GALNT9: variants seen among roughly 807,000 people sequenced by gnomAD.
GALNT9 encodes the protein polypeptide N-acetylgalactosaminyltransferase 9.
GALNT9 carries 47 observed loss-of-function variants against 63.1 expected under a neutral mutation model. That is an observed-to-expected ratio of 0.75 (90% CI 0.59 to 0.95). The LOEUF (loss-of-function observed/expected upper bound fraction) is 0.95. GALNT9 is among the 40% of genes least tolerant of loss of function. GALNT9 has a pLI of 0.00. For missense variants in GALNT9, 829 were observed against 874.8 expected, an observed-to-expected ratio of 0.95 and a Z score of 0.66; for synonymous variants, 396 against 365.7, an observed-to-expected ratio of 1.08 and a Z score of -0.94.
chr12:132,240,583 G>C lies in GALNT9; in HGVS notation c.1077+7327C>G, dbSNP rs2136898731. ...TGTGGGCTCCGTGCGTGGCCCCGGG[G>C]CTCGGCTGTGGGCTCCGTGCGTGGC... On this transcript the variant is annotated intron_variant, in intron 6 of 10. Transcript: ENST00000328957. The C allele has an allele frequency of 7.0e-5, 32 of 454,396 alleles. 2 individuals are homozygous for C. The Middle Eastern group carries it at 1.0e-3, about 15-fold the overall frequency. 28.1% of individuals were successfully genotyped at this position (454,396 alleles called of 1,614,324 possible).
intron 6 of GALNT9, among the ~76,000 whole-genome samples, chr12:132,223,155 CCA>C (rs1565992102): frequency 0.015 from 313 of 21,234 alleles, 16 homozygotes; most frequent in Non-Finnish European, 0.036. Flanking sequence ...ACCACACAAC[CCA>C]CACACCACAC....
At chr12:132,266,717 T>C (rs1240362134) in intron 2 of GALNT9, among the ~76,000 whole-genome samples, 1 of 152,202 alleles carries the variant, frequency 6.6e-6, no homozygotes, top group African/African-American at 2.4e-5. Context: ...TGTGGCTCCT[T>C]GTTACAGTGT....
At chr12:132,271,107 TC>T (rs1555240682) in intron 2 of GALNT9, among the ~76,000 whole-genome samples, 1 of 152,070 alleles carries the variant, frequency 6.6e-6, no homozygotes, top group East Asian at 1.9e-4. Flanking sequence ...TCTGTGCCAG[TC>T]CCCCATGCGC....
intron 2 of GALNT9, chr12:132,284,394 C>G (rs1052562746): frequency 6.6e-6 from 1 of 152,294 alleles, no homozygotes. Context: ...GTCATTCCAG[C>G]CCCATGCCTG....
rs910046311 is a variant in GALNT9 at position 132,245,940 on chromosome 12, C to T, written c.1077+1970G>A. 2.6e-5 allele frequency among the ~76,000 whole-genome samples: 4 copies of T among 152,222 alleles called. No individual in the cohort carries two copies. Among genetic ancestry groups the T allele is most frequent in the East Asian group, 1.9e-4 (1 of 5,190 alleles). ...AGGGGTCCCGTCCTCCCTCGCTCTT[C>T]GGCCTCGGTGGTGGCTGCGCACTGC... is the stretch of plus-strand genomic sequence containing the variant. On this transcript the variant is annotated intron_variant, in intron 6 of 10. Transcript: ENST00000328957. This position sits in a 1 kb window ranked among gnomAD's most constrained non-coding sequence, Gnocchi z 6.3.
At chr12:132,235,066 C>G (rs1231723982) in intron 6 of GALNT9, among the ~76,000 whole-genome samples, 18 of 26,962 alleles carry the variant, frequency 6.7e-4, no homozygotes, top group African/African-American at 6.0e-3. Context: ...GATGGGGCGA[C>G]AGAGGAGACA....
chr12:132,306,920 A>C (rs1366438096), intron 1 of GALNT9, among the ~76,000 whole-genome samples: 3 of 152,130 alleles, frequency 2.0e-5, no homozygotes, highest in Non-Finnish European at 4.4e-5. Context: ...ACGGGAGATA[A>C]TCTGGAAGAC....
intron 8 of GALNT9, 36 bp downstream of exon 8, chr12:132,201,088 T>G (rs1338824104): frequency 6.2e-7 from 1 of 1,601,660 alleles, no homozygotes; most frequent in Non-Finnish European, 8.5e-7. Context: ...GCAGAAAGCC[T>G]GTCGGGCCGA....
chr12:132,300,123 C>G (rs1290199898), intron 1 of GALNT9, among the ~76,000 whole-genome samples: 1 of 150,192 alleles, frequency 6.7e-6, no homozygotes, highest in East Asian at 2.0e-4. Context: ...CCCACTCCCA[C>G]CACACCTAAC....
intron 6 of GALNT9, among the ~76,000 whole-genome samples, chr12:132,241,191 T>A (rs2136900974): frequency 9.5e-4 from 112 of 117,434 alleles, no homozygotes; most frequent in African/African-American, 2.3e-3. Flanking sequence ...GCCCTCCCTA[T>A]CCCCATTACA....
At chr12:132,293,773 CA>C (rs1880947071) in intron 1 of GALNT9, among the ~76,000 whole-genome samples, 1 of 144,860 alleles carries the variant, frequency 6.9e-6, no homozygotes, top group South Asian at 2.1e-4. Flanking sequence ...CGTAAACAGT[CA>C]GGGGCAGAAC....
chr12:132,261,220 G>T lies in GALNT9; in HGVS notation c.587-98C>A, dbSNP rs1879372207. The T allele has an allele frequency of 4.0e-6, 6 of 1,514,082 alleles. No individual in the cohort carries two copies. The East Asian group carries it at 1.5e-4, about 38-fold the overall frequency. The allele number at this position is 1,514,082 out of a possible 1,614,324, so 93.8% of individuals were successfully genotyped here. On this transcript the variant is annotated intron_variant, in intron 3 of 10. Coordinates refer to ENST00000328957, the MANE Select transcript of GALNT9 (RefSeq NM_001122636.2). ...AATGCTGCGTGCCGCGTGTGGGATGGGTGTATTGTAAACATTCTCTTAGGA... is the reference window on the plus strand; with the variant it reads ...AATGCTGCGTGCCGCGTGTGGGATGTGTGTATTGTAAACATTCTCTTAGGA...
intron 6 of GALNT9, among the ~76,000 whole-genome samples, chr12:132,204,392 T>C (rs771990057): frequency 3.3e-5 from 5 of 152,086 alleles, no homozygotes; most frequent in African/African-American, 4.8e-5. Flanking sequence ...GCTGGGACGT[T>C]TGCTCTCCCG....
At chr12:132,221,721 C>T (rs138812074) in intron 6 of GALNT9, among the ~76,000 whole-genome samples, 86,929 of 147,372 alleles carry the variant, frequency 0.59, 25,763 homozygotes, top group East Asian at 0.71. Context: ...CGCCCCATAA[C>T]GGAAAAGAAA....
chr12:132,288,442 A>G (rs781998323), intron 1 of GALNT9, among the ~76,000 whole-genome samples: 15 of 152,260 alleles, frequency 9.9e-5, no homozygotes, highest in Admixed American at 2.0e-4. Flanking sequence ...AAATATCGAT[A>G]CTGCACTTGC....
intron 6 of GALNT9, among the ~76,000 whole-genome samples, chr12:132,208,032 G>A (rs1327136298): frequency 6.6e-6 from 1 of 152,152 alleles, no homozygotes; most frequent in African/African-American, 2.4e-5. Context: ...TTGAAGCCAG[G>A]GACCAGTATA....
chr12:132,291,691 G>A (rs111550379), intron 1 of GALNT9, among the ~76,000 whole-genome samples: 6 of 98,588 alleles, frequency 6.1e-5, no homozygotes, highest in African/African-American at 2.4e-4. Context: ...CACATCCACA[G>A]CGCCCACATC....
chr12:132,250,527 C>T (rs901482321), intron 5 of GALNT9, among the ~76,000 whole-genome samples: 2 of 152,250 alleles, frequency 1.3e-5, no homozygotes, highest in South Asian at 2.1e-4. Context: ...CAGTGGCTCA[C>T]GCCTGTAATC....
At chr12:132,321,292 C>T (rs1246239518) in intron 1 of GALNT9, among the ~76,000 whole-genome samples, 1 of 151,944 alleles carries the variant, frequency 6.6e-6, no homozygotes, top group Non-Finnish European at 1.5e-5. Flanking sequence ...CCATGGTACA[C>T]CAGCTGCTCC....
Sources: allele counts gnomAD v4.1 joint callset (sites outside exome capture counted in the v4.1 genomes callset), GRCh38; gene constraint gnomAD v4.1.1; non-coding constraint Gnocchi (gnomAD v3.1); transcripts MANE v1.5; gene names NCBI Gene and HGNC (gene_info 2026-07-23, HGNC 2026-07-21).